Variants in TBC1D1 observed in about 807,000 individuals in gnomAD.
TBC1D1 encodes the protein TBC1 domain family member 1.
In TBC1D1, 89 loss-of-function variants were observed where a neutral mutation model predicts 125.6. The ratio of observed to expected loss-of-function variants is 0.71; its 90% confidence interval spans 0.60 to 0.85. The LOEUF (loss-of-function observed/expected upper bound fraction) is 0.85. Among genes scored for constraint, TBC1D1 ranks in the 40% least tolerant of loss-of-function variants. The pLI is 0.00. For synonymous variants in TBC1D1, 565 were observed against 564.1 expected (o/e 1.00, Z -0.02); for missense variants, 1,377 against 1,469.2 (o/e 0.94, Z 1.03).
At position 37,995,646 on chromosome 4, in the gene TBC1D1, C is replaced by T. The variant is rs1260369159; in HGVS notation, c.418-18863C>T. 2.0e-5 allele frequency: 10 copies of T among 509,222 alleles called. No individual in the cohort carries two copies. Among genetic ancestry groups the T allele is most frequent in the African/African-American group, 7.8e-5 (4 of 51,568 alleles). The allele number at this position is 509,222 out of a possible 1,614,324, so 31.5% of individuals were successfully genotyped here. A position where few individuals can be genotyped will look rare whatever the true frequency, so the allele number is the denominator to read the frequency against. On this transcript the variant is annotated intron_variant, in intron 2 of 19. Coordinates refer to ENST00000261439, the MANE Select transcript of TBC1D1 (RefSeq NM_015173.4). The surrounding 1 kb of genome is among the most constrained non-coding windows in gnomAD (Gnocchi z 4.3). ...CTGTCTTATCTCACTTTTGCACCAA[C>T]GCCTGGTAATCCATTACATGGGTCT...
At chr4:38,107,577 GTT>G (rs3038351) in intron 15 of TBC1D1, among the ~76,000 whole-genome samples, 2 of 53,102 alleles carry the variant, frequency 3.8e-5, no homozygotes, top group Non-Finnish European at 6.3e-5. Context: ...GTCTAAACAG[GTT>G]TTTTTTTTTT....
Position 37,938,638 on chromosome 4 carries a change from C to T in TBC1D1, c.417+36126C>T, listed in dbSNP as rs192996923. On this transcript the variant is annotated intron_variant, in intron 2 of 19. Transcript: ENST00000261439. ...TGTTGGTGTGCTGCACCCATTAACT[C>T]GTCATTTACATTAGGTATATCTCCT... 6.8e-4 allele frequency among the ~76,000 whole-genome samples: 104 copies of T among 152,164 alleles called. No homozygotes were observed. The Middle Eastern group carries it at 0.017, about 25-fold the overall frequency.
At chr4:37,896,062 A>G (rs1714512254) in intron 1 of TBC1D1, among the ~76,000 whole-genome samples, 1 of 152,222 alleles carries the variant, frequency 6.6e-6, no homozygotes. Flanking sequence ...GAACAGAGAA[A>G]TTAAACCATT....
At chr4:38,026,700 G>T (rs1178282848) in intron 6 of TBC1D1, among the ~76,000 whole-genome samples, 1 of 152,158 alleles carries the variant, frequency 6.6e-6, no homozygotes, top group Non-Finnish European at 1.5e-5. Context: ...GTCTCATCAT[G>T]TGTGACATTT....
intron 2 of TBC1D1, among the ~76,000 whole-genome samples, chr4:37,972,713 C>T (rs1732290763): frequency 6.6e-6 from 1 of 151,500 alleles, no homozygotes; most frequent in Non-Finnish European, 1.5e-5. Flanking sequence ...CGAGACCAGC[C>T]TCAACATGGA....
intron 2 of TBC1D1, among the ~76,000 whole-genome samples, chr4:37,966,786 C>G (rs753574852): frequency 2.8e-4 from 42 of 152,132 alleles, no homozygotes; most frequent in Non-Finnish European, 5.3e-4. Flanking sequence ...CCAACAGGCC[C>G]CGGTGTGTGA....
intron 2 of TBC1D1, among the ~76,000 whole-genome samples, chr4:37,945,911 T>A (rs1726606854): frequency 6.6e-6 from 1 of 152,200 alleles, no homozygotes; most frequent in Non-Finnish European, 1.5e-5. Flanking sequence ...AGAAGTCAGC[T>A]GTGATTCATC....
intron 14 of TBC1D1, among the ~76,000 whole-genome samples, chr4:38,102,787 GGGAGGA>G: frequency 6.6e-6 from 1 of 151,916 alleles, no homozygotes; most frequent in African/African-American, 2.4e-5. Flanking sequence ...AGGCCGAGGT[GGGAGGA>G]TCATTGGAGC....
rs1751302380 is a variant in TBC1D1, at chr4:38,054,429, C to T, written c.2050+91C>T. 1.9e-6 allele frequency: 3 copies of T among 1,541,688 alleles called. No homozygotes were observed. In the South Asian group the frequency reaches 3.5e-5, roughly 18 times the overall value. On this transcript the variant is annotated intron_variant, in intron 12 of 19. Coordinates refer to ENST00000261439, the MANE Select transcript of TBC1D1 (RefSeq NM_015173.4). ...TCATATTGGTAAGAAAGCAGAGCGCCGTCCTCTTCAGTATTGGCAGGTCTG... is the reference window on the plus strand; with the variant it reads ...TCATATTGGTAAGAAAGCAGAGCGCTGTCCTCTTCAGTATTGGCAGGTCTG...
chr4:37,919,437 G>A (rs958310236), intron 2 of TBC1D1, among the ~76,000 whole-genome samples: 1 of 150,610 alleles, frequency 6.6e-6, no homozygotes, highest in Non-Finnish European at 1.5e-5. Context: ...CTGCCTGCCT[G>A]GGCCTCCCAA....
chr4:38,112,937 C>T (rs1762435125), intron 15 of TBC1D1, among the ~76,000 whole-genome samples: 1 of 152,108 alleles, frequency 6.6e-6, no homozygotes, highest in Non-Finnish European at 1.5e-5. Context: ...GAGTGCAGAG[C>T]CTGTGAGAAG....
At chr4:38,105,757 A>G (rs374381480) in intron 15 of TBC1D1, among the ~76,000 whole-genome samples, 26 of 152,276 alleles carry the variant, frequency 1.7e-4, no homozygotes, top group South Asian at 1.5e-3. Flanking sequence ...TGTTGCTGCA[A>G]AGGACATGAT....
chr4:38,089,838 T>C, intron 12 of TBC1D1, 94 bp from the exon 15 acceptor site: 1 of 1,265,872 alleles, frequency 7.9e-7, no homozygotes, highest in South Asian at 1.7e-5. Flanking sequence ...TTATATTTTA[T>C]CTGAATGAAC....
At position 38,020,627 on chromosome 4, in the gene TBC1D1, C is replaced by T. The variant is rs200300060; in HGVS notation, c.1009C>T (p.Arg337Trp). The T allele has an allele frequency of 3.8e-5, 62 of 1,613,084 alleles. No individual in the cohort carries two copies. The highest frequency in any genetic ancestry group is 1.6e-4 in the Middle Eastern group (1 of 6,074). Residue 337 changes from arginine to tryptophan, a missense_variant, in exon 5 of 20, where the codon CGG becomes TGG. Transcript: ENST00000261439. ...CGTGGACCACTTTGGGTTTATCTGT[C>T]GGGAGTCTTCCGGAGGTGGCGGCTT...
intron 17 of TBC1D1, among the ~76,000 whole-genome samples, chr4:38,123,453 A>G (rs1183031042): frequency 6.6e-6 from 1 of 152,234 alleles, no homozygotes; most frequent in African/African-American, 2.4e-5. Flanking sequence ...CAGGTAGACT[A>G]CATTTTATAA....
At chr4:38,105,761 A>T (rs1360597012) in intron 15 of TBC1D1, among the ~76,000 whole-genome samples, 1 of 152,192 alleles carries the variant, frequency 6.6e-6, no homozygotes, top group Non-Finnish European at 1.5e-5. Flanking sequence ...GCTGCAAAGG[A>T]CATGATTTTG....
intron 2 of TBC1D1, chr4:37,951,934 G>A (rs971069492): frequency 8.4e-6 from 6 of 716,418 alleles, no homozygotes; most frequent in Non-Finnish European, 1.6e-5. Flanking sequence ...GTCCCTCCCT[G>A]TGACTGTACA....
At chr4:38,135,656 C>T (rs1334174247) in intron 19 of TBC1D1, among the ~76,000 whole-genome samples, 1 of 152,106 alleles carries the variant, frequency 6.6e-6, no homozygotes, top group African/African-American at 2.4e-5. Flanking sequence ...TCAGAGAGTA[C>T]AGCTTAGAGA....
chr4:37,977,156 G>C lies in TBC1D1; in HGVS notation c.418-37353G>C, dbSNP rs1377833264. 6.6e-6 allele frequency among the ~76,000 whole-genome samples: 1 copy of C among 152,134 alleles called. No individual in the cohort carries two copies. The highest frequency in any genetic ancestry group is 1.5e-5 in the Non-Finnish European group (1 of 67,998). ...TTCCTGCGCAGCCCTGGGCATCTCG[G>C]AAGGGGGCGACCCCAGCATGTCCCA... On this transcript the variant is annotated intron_variant, in intron 2 of 19. Transcript: ENST00000261439. This position sits in a 1 kb window ranked among gnomAD's most constrained non-coding sequence, Gnocchi z 4.3.
Sources: allele counts gnomAD v4.1 joint callset (sites outside exome capture counted in the v4.1 genomes callset), GRCh38; gene constraint gnomAD v4.1.1; non-coding constraint Gnocchi (gnomAD v3.1); transcripts MANE v1.5; gene names NCBI Gene and HGNC (gene_info 2026-07-23, HGNC 2026-07-21).